DHRS3: variants seen among roughly 807,000 people sequenced by gnomAD.
DHRS3 encodes the protein dehydrogenase/reductase 3, also known as short-chain dehydrogenase/reductase 3.
DHRS3 carries 14 observed loss-of-function variants against 27.2 expected under a neutral mutation model. The ratio of observed to expected loss-of-function variants is 0.52; its 90% CI spans 0.34 to 0.81. The LOEUF (loss-of-function observed/expected upper bound fraction) is 0.81. Among genes scored for constraint, DHRS3 ranks in the 30% least tolerant of loss-of-function variants. The probability of loss-of-function intolerance (pLI) is 0.01; values close to 1 mark genes in which losing one functional copy is unlikely to be tolerated. For synonymous variants in DHRS3, 165 were observed against 175.9 expected (o/e 0.94, Z 0.49); for missense variants, 322 against 406.2 (o/e 0.79, Z 1.78).
Position 12,574,442 on chromosome 1 carries a change from C to T in DHRS3, c.699-1589G>A, listed in dbSNP as rs187639294. On this transcript the variant is annotated intron_variant, in intron 4 of 5. Transcript: ENST00000616661. This position sits in a 1 kb window ranked among gnomAD's most constrained non-coding sequence, Gnocchi z 4.6. ...TCAGCCTCCCAAAGCACTGGGATTA[C>T]TGGTGTGAACCCAGCTACCACGCCT... Among the ~76,000 whole-genome samples the T allele has an allele frequency of 3.3e-5, 5 of 152,334 alleles. No individual in the cohort carries two copies. The highest frequency in any genetic ancestry group is 1.3e-4 in the Admixed American group (2 of 15,306).
chr1:12,577,030 GT>G (rs1335813849), intron 4 of DHRS3, among the ~76,000 whole-genome samples: 1 of 151,892 alleles, frequency 6.6e-6, no homozygotes, highest in African/African-American at 2.4e-5. Flanking sequence ...TAACTAAGGC[GT>G]AATGAGTGAC....
chr1:12,617,554 C>T lies in DHRS3; in HGVS notation c.-206G>A, dbSNP rs1312730615. ...AAAAAAAAAAAAGATAAATTCTCCT[C>T]TGGGGGAGAAAAAGCGTCTCCTAAG... On this transcript the variant is annotated 5_prime_UTR_variant, in exon 1 of 6. Transcript: ENST00000616661. The T allele has an allele frequency of 1.3e-5, 6 of 462,132 alleles. No homozygotes were observed. In the Middle Eastern group the frequency reaches 1.7e-3, roughly 133 times the overall value. 28.6% of individuals were successfully genotyped at this position (462,132 alleles called of 1,614,324 possible).
At position 12,578,267 on chromosome 1, in the gene DHRS3, C is replaced by T. The variant is rs952476631; in HGVS notation, c.698+451G>A. ...ATCGTGGCATCACTGCCTTGCAGAC[C>T]GAGAACCAGGTAAGACAGCGTCAAA... On this transcript the variant is annotated intron_variant, in intron 4 of 5. Transcript: ENST00000616661. The surrounding 1 kb of genome is among the most constrained non-coding windows in gnomAD (Gnocchi z 4.5). Among the ~76,000 whole-genome samples the T allele has an allele frequency of 2.6e-5, 4 of 152,160 alleles. No individual in the cohort carries two copies. Among genetic ancestry groups the T allele is most frequent in the South Asian group, 2.1e-4 (1 of 4,820 alleles).
chr1:12,606,048 G>C (rs1646868163), intron 1 of DHRS3, among the ~76,000 whole-genome samples: 1 of 149,490 alleles, frequency 6.7e-6, no homozygotes, highest in African/African-American at 2.5e-5. Flanking sequence ...TGAGGCAGGA[G>C]AATTGCTTGA....
chr1:12,595,290 A>G (rs1016633501), intron 1 of DHRS3, among the ~76,000 whole-genome samples: 8 of 152,122 alleles, frequency 5.3e-5, no homozygotes, highest in African/African-American at 1.9e-4. Flanking sequence ...CCGGGAGGCC[A>G]GCCTGGCTCA....
At chr1:12,600,897 CTT>C (rs1490910331) in intron 1 of DHRS3, among the ~76,000 whole-genome samples, 1 of 146,086 alleles carries the variant, frequency 6.8e-6, no homozygotes, top group Non-Finnish European at 1.5e-5. Flanking sequence ...CATTTTGCCT[CTT>C]TGAACTACAA....
Position 12,578,288 on chromosome 1 carries a change from TCAAA to T in DHRS3, c.698+426_698+429del, listed in dbSNP as rs1646608584. 6.6e-6 allele frequency among the ~76,000 whole-genome samples: 1 copy of T among 152,042 alleles called. No homozygotes were observed. The highest frequency in any genetic ancestry group is 2.4e-5 in the African/African-American group (1 of 41,424). ...AGACCGAGAACCAGGTAAGACAGCG[TCAAA>T]CAGAGGGTAGAGGCTCCTTGGTGAC... On this transcript the variant is annotated intron_variant, in intron 4 of 5. Coordinates refer to ENST00000616661, the MANE Select transcript of DHRS3 (RefSeq NM_004753.7). This position sits in a 1 kb window ranked among gnomAD's most constrained non-coding sequence, Gnocchi z 4.5.
chr1:12,602,293 C>G (rs968392788), intron 1 of DHRS3, among the ~76,000 whole-genome samples: 1 of 152,312 alleles, frequency 6.6e-6, no homozygotes, highest in Non-Finnish European at 1.5e-5. Context: ...CTATGTTGGA[C>G]CAGCCCCTGC....
chr1:12,600,839 G>T (rs115678490), intron 1 of DHRS3, among the ~76,000 whole-genome samples: 1,602 of 152,304 alleles, frequency 0.011, 35 homozygotes, highest in African/African-American at 0.036. Flanking sequence ...GTCTAGAAAA[G>T]TTTCCAAAGT....
rs1161598227 is a variant in DHRS3, at chr1:12,586,866, G to A, written c.196-6200C>T. ...TCCTCTCTTCAAGGGGTCCTGTGGG[G>A]ATTAAGCTGGCAGAAGCTGGCACCC... On this transcript the variant is annotated intron_variant, in intron 1 of 5. Coordinates refer to ENST00000616661, the MANE Select transcript of DHRS3 (RefSeq NM_004753.7). This position sits in a 1 kb window ranked among gnomAD's most constrained non-coding sequence, Gnocchi z 5.0. Among the ~76,000 whole-genome samples, 1 of 152,174 alleles carries A rather than the reference G, an allele frequency of 6.6e-6. No homozygotes were observed. Among genetic ancestry groups the A allele is most frequent in the Non-Finnish European group, 1.5e-5 (1 of 68,038 alleles).
rs1646549893 is a variant in DHRS3, at chr1:12,572,775, G to A, written c.777C>T (p.Ala259=). Residue 259 remains alanine, a synonymous_variant, in exon 5 of 6, where the codon GCC becomes GCT. Coordinates refer to ENST00000616661, the MANE Select transcript of DHRS3 (RefSeq NM_004753.7). The part of the protein sequence containing the change: ...RTVEAVQLNQ[A]LLLLPWTMHA... ...GCATTGTCCATGGGAGGAGGAGGAG[G>A]GCCTGGTTGAGCTGCACAGCTTCCA... 2 of 1,611,740 alleles carry A rather than the reference G, an allele frequency of 1.2e-6. No individual in the cohort carries two copies. The highest frequency in any genetic ancestry group is 1.7e-6 in the Non-Finnish European group (2 of 1,179,108).
At position 12,580,391 on chromosome 1, in the gene DHRS3, C is replaced by T. The variant is rs757667635; in HGVS notation, c.339+132G>A. On this transcript the variant is annotated intron_variant, in intron 2 of 5. Coordinates refer to ENST00000616661, the MANE Select transcript of DHRS3 (RefSeq NM_004753.7). ...CTGGGGCCAGCTTCATGGGAGAGTC[C>T]CCAAAGGTGCCCCGGGCAAAGCCAT... The T allele has an allele frequency of 3.1e-6, 4 of 1,302,664 alleles. No homozygotes were observed. The East Asian group carries it at 7.4e-5, about 24-fold the overall frequency. 80.7% of individuals were successfully genotyped at this position (1,302,664 alleles called of 1,614,324 possible). A position where few individuals can be genotyped will look rare whatever the true frequency, so the allele number is the denominator to read the frequency against.
At chr1:12,610,148 T>C (rs1172606037) in intron 1 of DHRS3, among the ~76,000 whole-genome samples, 2 of 152,108 alleles carry the variant, frequency 1.3e-5, no homozygotes, top group African/African-American at 2.4e-5. Flanking sequence ...GCATGATCTC[T>C]GCTCACTGCA....
At chr1:12,611,042 T>C (rs1646906137) in intron 1 of DHRS3, among the ~76,000 whole-genome samples, 1 of 152,140 alleles carries the variant, frequency 6.6e-6, no homozygotes, top group African/African-American at 2.4e-5. Context: ...GGACACCTCA[T>C]AAATACAGCC....
chr1:12,611,319 A>C (rs4618985), intron 1 of DHRS3, among the ~76,000 whole-genome samples: 40,880 of 152,148 alleles, frequency 0.27, 5,629 homozygotes, highest in East Asian at 0.37. Flanking sequence ...CCCAAATAGA[A>C]AAGTTGGTGA....
rs147025386 is a variant in DHRS3, at chr1:12,608,780, C to G, written c.195+8374G>C. Among the ~76,000 whole-genome samples, 1 of 152,214 alleles carries G rather than the reference C, an allele frequency of 6.6e-6. No individual in the cohort carries two copies. Among genetic ancestry groups the G allele is most frequent in the African/African-American group, 2.4e-5 (1 of 41,448 alleles). On this transcript the variant is annotated intron_variant, in intron 1 of 5. Transcript: ENST00000616661. This position sits in a 1 kb window ranked among gnomAD's most constrained non-coding sequence, Gnocchi z 4.1. ...GGTCTGCATTTTCGAGCCCTCCCCA[C>G]GGGCCTAGCATGGGCCTCCAGAACC...
intron 1 of DHRS3, among the ~76,000 whole-genome samples, chr1:12,603,793 G>A (rs746691023): frequency 1.3e-5 from 2 of 152,210 alleles, no homozygotes; most frequent in South Asian, 2.1e-4. Flanking sequence ...TGGCCAATGA[G>A]GTAAGAAAGG....
chr1:12,586,703 T>A lies in DHRS3; in HGVS notation c.196-6037A>T, dbSNP rs1646699509. Among the ~76,000 whole-genome samples, 1 of 152,222 alleles carries A rather than the reference T, an allele frequency of 6.6e-6. No homozygotes were observed. The highest frequency in any genetic ancestry group is 2.4e-5 in the African/African-American group (1 of 41,454). The stretch of plus-strand genomic sequence containing the variant: ...AATTTTAAAGATAAGGAAACTGCAG[T>A]TCAGAGAGGCTAAGCAACTCGTCTG... On this transcript the variant is annotated intron_variant, in intron 1 of 5. Transcript: ENST00000616661. This position sits in a 1 kb window ranked among gnomAD's most constrained non-coding sequence, Gnocchi z 5.0.
In DHRS3 at chr1:12,592,115, G is replaced by A. The variant is rs1646751633; in HGVS notation, c.196-11449C>T. ...CCTGGAGCACCCTTGCTCTCCAAGTGGGCGGGGTGGGACTGTGACAAGCAC... is the reference window on the plus strand; with the variant it reads ...CCTGGAGCACCCTTGCTCTCCAAGTAGGCGGGGTGGGACTGTGACAAGCAC... On this transcript the variant is annotated intron_variant, in intron 1 of 5. Coordinates refer to ENST00000616661, the MANE Select transcript of DHRS3 (RefSeq NM_004753.7). The surrounding 1 kb of genome is among the most constrained non-coding windows in gnomAD (Gnocchi z 4.2). Among the ~76,000 whole-genome samples the A allele has an allele frequency of 6.6e-6, 1 of 152,134 alleles. No individual in the cohort carries two copies. Among genetic ancestry groups the A allele is most frequent in the African/African-American group, 2.4e-5 (1 of 41,430 alleles).
Sources: allele counts gnomAD v4.1 joint callset (sites outside exome capture counted in the v4.1 genomes callset), GRCh38; gene constraint gnomAD v4.1.1; non-coding constraint Gnocchi (gnomAD v3.1); transcripts MANE v1.5; gene names NCBI Gene and HGNC (gene_info 2026-07-23, HGNC 2026-07-21).